TENM4: variants seen among roughly 807,000 people sequenced by gnomAD.
TENM4 encodes teneurin-4.
In TENM4, 82 loss-of-function variants were observed where a neutral mutation model predicts 243.3. The observed-to-expected ratio is 0.34, with a 90% CI of 0.28 to 0.40. The LOEUF is 0.40. Ranked by LOEUF, TENM4 falls within the 10% of genes least tolerant of loss-of-function variation. The probability of loss-of-function intolerance (pLI) is 1.00; values close to 1 mark genes in which losing one functional copy is unlikely to be tolerated. For synonymous variants in TENM4, 1,412 were observed against 1,456.3 expected, an observed-to-expected ratio of 0.97 and a Z score of 0.69; for missense variants, 3,138 against 3,673.3, an observed-to-expected ratio of 0.85 and a Z score of 3.77.
intron 6 of TENM4, among the ~76,000 whole-genome samples, chr11:79,015,335 G>A (rs1017692747): frequency 6.6e-6 from 1 of 152,166 alleles, no homozygotes; most frequent in African/African-American, 2.4e-5. Context: ...ACTGAGTGAC[G>A]CAGGAATTAT....
At chr11:78,808,776 C>T (rs1486551618) in intron 14 of TENM4, among the ~76,000 whole-genome samples, 1 of 152,114 alleles carries the variant, frequency 6.6e-6, no homozygotes, top group East Asian at 1.9e-4. Context: ...TGACACCATT[C>T]AAAAATGGTT....
intron 1 of TENM4, among the ~76,000 whole-genome samples, chr11:79,427,401 T>C (rs1374106405): frequency 6.6e-6 from 1 of 152,208 alleles, no homozygotes; most frequent in Admixed American, 6.5e-5. Flanking sequence ...GGTATATCCT[T>C]ATGAGGGAAT....
Position 78,658,085 on chromosome 11 carries a change from C to T in TENM4, c.8283G>A (p.Met2761Ile), listed in dbSNP as rs369408263. Reference protein sequence around the residue: ...LSDSANNIHFMRQSEMGRR With the variant: ...LSDSANNIHFIRQSEMGRR ...ACCTCCGGCCCATCTCGCTCTGTCT[C>T]ATGAAGTGGATGTTGTTGGCGCTGT... Residue 2761 changes from methionine to isoleucine, a missense_variant, in exon 34 of 34, where the codon ATG (methionine) becomes ATA (isoleucine). Met to Ile is a conservative substitution (Grantham distance 10). This residue lies in a region of TENM4 where 2,467 missense variants were observed against 3,059.1 expected (regional missense o/e 0.81). Coordinates refer to ENST00000278550, the MANE Select transcript of TENM4 (RefSeq NM_001098816.3). The T allele has an allele frequency of 7.4e-6, 12 of 1,613,942 alleles. No homozygotes were observed. The highest frequency in any genetic ancestry group is 1.0e-5 in the Non-Finnish European group (12 of 1,179,912).
chr11:78,898,050 A>G (rs1855838732), intron 7 of TENM4, among the ~76,000 whole-genome samples: 1 of 152,216 alleles, frequency 6.6e-6, no homozygotes, highest in African/African-American at 2.4e-5. Context: ...CTGATGCTGC[A>G]GAGTGCAAAA....
chr11:78,661,631 T>A (rs1858032652), intron 32 of TENM4, 40 bp from the exon 33 acceptor site: 1 of 1,603,160 alleles, frequency 6.2e-7, no homozygotes, highest in Admixed American at 1.7e-5. Context: ...ATGGAGTGAG[T>A]GGACCTCATT....
chr11:78,903,472 G>T lies in TENM4; in HGVS notation c.545C>A (p.Pro182Gln), dbSNP rs1307235393. The T allele has an allele frequency of 8.4e-6, 13 of 1,543,056 alleles. No homozygotes were observed. The highest frequency in any genetic ancestry group is 5.5e-5 in the African/African-American group (4 of 72,542). ...GTTGGGGGTGTGGGCGTGCGAGAGCGGCGGCGGCGGCGTCCGGAGCCGCGC... is the reference window on the plus strand; with the variant it reads ...GTTGGGGGTGTGGGCGTGCGAGAGCTGCGGCGGCGGCGTCCGGAGCCGCGC... ...NHARLRTPPPPLSHAHTPNQH... is the reference protein window; with the variant it reads ...NHARLRTPPPQLSHAHTPNQH... The change falls in exon 7 of 34, where the codon CCG becomes CAG. Residue 182 changes from proline to glutamine, a missense_variant. Pro to Gln is a moderately conservative substitution (Grantham distance 76). Coordinates refer to ENST00000278550, the MANE Select transcript of TENM4 (RefSeq NM_001098816.3).
At chr11:79,142,146 G>T (rs1391368574) in intron 4 of TENM4, among the ~76,000 whole-genome samples, 1 of 151,956 alleles carries the variant, frequency 6.6e-6, no homozygotes, top group Non-Finnish European at 1.5e-5. Flanking sequence ...TCAGACAAGA[G>T]AAAGAAATAA....
chr11:79,030,605 C>T (rs61882061), intron 6 of TENM4, among the ~76,000 whole-genome samples: 24,840 of 151,998 alleles, frequency 0.16, 2,407 homozygotes, highest in Non-Finnish European at 0.22. Flanking sequence ...GAAATTTCCT[C>T]GAGCTGCATG....
chr11:78,895,044 C>G (rs1414690939), intron 7 of TENM4, among the ~76,000 whole-genome samples: 1 of 149,808 alleles, frequency 6.7e-6, no homozygotes, highest in Non-Finnish European at 1.5e-5. Flanking sequence ...CTACTACCGC[C>G]TTGAAATAGT....
In TENM4 at chr11:78,903,953, G is replaced by C; in HGVS notation, c.494-430C>G. 1.6e-5 allele frequency: 7 copies of C among 426,636 alleles called. 1 individual carries two copies. Among genetic ancestry groups the C allele is most frequent in the South Asian group, 1.1e-4 (6 of 55,162 alleles). The allele number at this position is 426,636 out of a possible 1,614,324, so 26.4% of individuals were successfully genotyped here. A position where few individuals can be genotyped will look rare whatever the true frequency, so the allele number is the denominator to read the frequency against. ...GCTGACTGAATCATGAACCCTGATA[G>C]GGCCCAGGAAACTGATTTTACAAAC... is the stretch of plus-strand genomic sequence containing the variant. On this transcript the variant is annotated intron_variant, in intron 6 of 33. Transcript: ENST00000278550.
At chr11:78,946,625 G>T (rs1857007012) in intron 6 of TENM4, among the ~76,000 whole-genome samples, 1 of 152,186 alleles carries the variant, frequency 6.6e-6, no homozygotes, top group Non-Finnish European at 1.5e-5. Context: ...TCCTCTGATG[G>T]ATCTGGGCAA....
chr11:79,007,637 G>C (rs1022520961), intron 6 of TENM4, among the ~76,000 whole-genome samples: 6 of 152,190 alleles, frequency 3.9e-5, no homozygotes, highest in Non-Finnish European at 8.8e-5. Flanking sequence ...GTGTCCACTA[G>C]CTGGGGCCTC....
At chr11:78,838,829 C>CAACACTGCAGGCT (rs1221319198) in intron 12 of TENM4, among the ~76,000 whole-genome samples, 2 of 152,070 alleles carry the variant, frequency 1.3e-5, no homozygotes, top group African/African-American at 4.8e-5. Flanking sequence ...AATAGTGGGC[C>CAACACTGCAGGCT]AACACTGCAG....
At chr11:78,766,124 G>C (rs373287975) in intron 18 of TENM4, among the ~76,000 whole-genome samples, 2 of 152,322 alleles carry the variant, frequency 1.3e-5, no homozygotes. Context: ...CTAAGTCTTA[G>C]AGAAGTTAAG....
At chr11:79,053,371 C>A (rs1417375457) in intron 6 of TENM4, among the ~76,000 whole-genome samples, 1 of 152,156 alleles carries the variant, frequency 6.6e-6, no homozygotes, top group African/African-American at 2.4e-5. Flanking sequence ...CTGTTCTTAC[C>A]TGAATCAGAG....
intron 7 of TENM4, among the ~76,000 whole-genome samples, chr11:78,899,911 T>C (rs1855891171): frequency 6.6e-6 from 1 of 152,214 alleles, no homozygotes. Flanking sequence ...TCCTTTTTCT[T>C]TATAAATTAC....
intron 3 of TENM4, among the ~76,000 whole-genome samples, chr11:79,213,054 C>G (rs892751905): frequency 6.6e-6 from 1 of 152,152 alleles, no homozygotes; most frequent in African/African-American, 2.4e-5. Context: ...TCCCCAGGCT[C>G]ATGGGGATGA....
rs769988589 is a variant in TENM4, at chr11:78,657,827, T to C, written c.*231A>G. ...GGAACAAAAGACAATAAAGTTTTCA[T>C]TGTGATCACACTACAGAAAAAAATA... On this transcript the variant is annotated 3_prime_UTR_variant, in exon 34 of 34. Transcript: ENST00000278550. The C allele has an allele frequency of 6.4e-6, 4 of 625,430 alleles. No individual in the cohort carries two copies. The highest frequency in any genetic ancestry group is 1.9e-5 in the South Asian group (1 of 51,460). 38.7% of individuals were successfully genotyped at this position (625,430 alleles called of 1,614,324 possible). A position where few individuals can be genotyped will look rare whatever the true frequency, so the allele number is the denominator to read the frequency against.
intron 6 of TENM4, among the ~76,000 whole-genome samples, chr11:78,928,872 G>T (rs1307698615): frequency 6.6e-6 from 1 of 152,212 alleles, no homozygotes; most frequent in African/African-American, 2.4e-5. Context: ...GGGAGTTAAT[G>T]GCTACATTTA....
Sources: gnomAD v4.1 joint callset for allele counts (sites outside exome capture counted in the v4.1 genomes callset) on GRCh38, gnomAD v4.1.1 for gene constraint, gnomAD v4.1.1 regional missense constraint, MANE v1.5 for transcripts, NCBI Gene and HGNC (gene_info 2026-07-23, HGNC 2026-07-21) for gene names.